Variants in HPSE2 observed in about 807,000 individuals in gnomAD.
The protein encoded by HPSE2 is heparanase 2 (inactive), also known as inactive heparanase-2.
Under a neutral mutation model 60.5 loss-of-function variants are expected in HPSE2, and 38 were observed. The ratio of observed to expected loss-of-function variants is 0.63; its 90% CI spans 0.48 to 0.82. HPSE2 has a LOEUF of 0.82. Ranked by LOEUF, HPSE2 falls within the 40% of genes least tolerant of loss-of-function variation. The probability of loss-of-function intolerance (pLI) is 0.00; values close to 1 mark genes in which losing one functional copy is unlikely to be tolerated. For missense variants in HPSE2, 713 were observed against 740.4 expected, an observed-to-expected ratio of 0.96 and a Z score of 0.43; for synonymous variants, 295 against 293.2, an observed-to-expected ratio of 1.01 and a Z score of -0.06.
At chr10:99,180,547 A>G (rs530184962) in intron 2 of HPSE2, among the ~76,000 whole-genome samples, 5 of 152,316 alleles carry the variant, frequency 3.3e-5, no homozygotes, top group African/African-American at 1.2e-4. Context: ...TCAAAACCAC[A>G]ATGAGATACC....
intron 3 of HPSE2, among the ~76,000 whole-genome samples, chr10:98,987,317 C>T (rs1956389054): frequency 6.6e-6 from 1 of 152,124 alleles, no homozygotes; most frequent in Admixed American, 6.5e-5. Context: ...TGGGCTTCAT[C>T]CCTGGGATGC....
intron 9 of HPSE2, among the ~76,000 whole-genome samples, chr10:98,526,633 C>A (rs1334477738): frequency 6.6e-6 from 1 of 152,160 alleles, no homozygotes; most frequent in Non-Finnish European, 1.5e-5. Context: ...AAATACAGAA[C>A]ATGGTCATCA....
chr10:99,154,804 T>A (rs1238671689), intron 2 of HPSE2, among the ~76,000 whole-genome samples: 9 of 151,916 alleles, frequency 5.9e-5, no homozygotes, highest in African/African-American at 2.2e-4. Flanking sequence ...AGACACAGAC[T>A]GGCAAATTGG....
chr10:98,684,715 A>G (rs984355354), intron 6 of HPSE2, among the ~76,000 whole-genome samples: 5 of 152,220 alleles, frequency 3.3e-5, no homozygotes, highest in Middle Eastern at 3.4e-3. Flanking sequence ...AGTGCCTAAC[A>G]CTGTGAAGGT....
At position 98,954,477 on chromosome 10, in the gene HPSE2, GT is replaced by G. The variant is rs112114180; in HGVS notation, c.610+189760del. 1.8e-3 allele frequency among the ~76,000 whole-genome samples: 268 copies of G among 152,306 alleles called. 1 individual carries two copies. Among genetic ancestry groups the G allele is most frequent in the African/African-American group, 6.3e-3 (263 of 41,576 alleles). On this transcript the variant is annotated intron_variant, in intron 3 of 11. Coordinates refer to ENST00000370552, the MANE Select transcript of HPSE2 (RefSeq NM_021828.5). ...CCTGATTAAATTAACACTTGTGAGA[GT>G]TAACACATTAAGAATATTTAAGTTA...
chr10:99,301,493 C>A, the HPSE2 span, among the ~76,000 whole-genome samples: 1 of 152,192 alleles, frequency 6.6e-6, no homozygotes, highest in African/African-American at 2.4e-5. Flanking sequence ...CTCCTCCTTG[C>A]CTTCCACCAT....
chr10:98,696,403 C>CA (rs1948219112), intron 5 of HPSE2, among the ~76,000 whole-genome samples: 1 of 151,494 alleles, frequency 6.6e-6, no homozygotes, highest in Admixed American at 6.6e-5. Flanking sequence ...GCGTGACCCA[C>CA]AGAGAGGAAG....
chr10:99,135,170 T>C (rs1845597107), intron 3 of HPSE2, among the ~76,000 whole-genome samples: 1 of 150,740 alleles, frequency 6.6e-6, no homozygotes, highest in African/African-American at 2.4e-5. Context: ...GAGTTAACTA[T>C]CCTAAATATA....
chr10:98,473,210 C>T (rs1032414525), intron 11 of HPSE2, among the ~76,000 whole-genome samples: 1 of 152,014 alleles, frequency 6.6e-6, no homozygotes, highest in African/African-American at 2.4e-5. Context: ...GGTGGTCAGG[C>T]GCGGTGGCTC....
chr10:98,637,493 A>G (rs578079508), intron 7 of HPSE2, among the ~76,000 whole-genome samples: 2 of 152,354 alleles, frequency 1.3e-5, no homozygotes, highest in African/African-American at 4.8e-5. Context: ...GCTTTCTCAC[A>G]TGACTTTCCT....
At chr10:98,832,642 G>T (rs1028653944) in intron 3 of HPSE2, among the ~76,000 whole-genome samples, 2 of 152,268 alleles carry the variant, frequency 1.3e-5, no homozygotes, top group South Asian at 2.1e-4. Context: ...CGTGGGAAAG[G>T]ATTTAGATAA....
intron 3 of HPSE2, among the ~76,000 whole-genome samples, chr10:98,955,017 A>C (rs1955469185): frequency 6.7e-6 from 1 of 148,884 alleles, no homozygotes; most frequent in African/African-American, 2.4e-5. Flanking sequence ...TATAACTCTA[A>C]GGCTAGAAAG....
chr10:99,118,941 G>A (rs988151963), intron 3 of HPSE2, among the ~76,000 whole-genome samples: 1 of 151,404 alleles, frequency 6.6e-6, no homozygotes, highest in Non-Finnish European at 1.5e-5. Context: ...ACTGGAACCT[G>A]GGAGGTGGAG....
chr10:98,819,159 T>C (rs1200513576), intron 3 of HPSE2, among the ~76,000 whole-genome samples: 2 of 152,222 alleles, frequency 1.3e-5, no homozygotes, highest in Admixed American at 1.3e-4. Flanking sequence ...CCTTATAGAC[T>C]GAGGGTGCTC....
At chr10:98,845,891 A>T (rs1422726665) in intron 3 of HPSE2, among the ~76,000 whole-genome samples, 1 of 152,180 alleles carries the variant, frequency 6.6e-6, no homozygotes. Flanking sequence ...TCAGTAAAGG[A>T]ATGAGAGCTT....
At chr10:99,043,504 A>G (rs1315848206) in intron 3 of HPSE2, among the ~76,000 whole-genome samples, 1 of 152,124 alleles carries the variant, frequency 6.6e-6, no homozygotes, top group Non-Finnish European at 1.5e-5. Flanking sequence ...AAAACAAACA[A>G]ACAAACAAAC....
chr10:99,252,323 A>G, the HPSE2 span, among the ~76,000 whole-genome samples: 1 of 152,190 alleles, frequency 6.6e-6, no homozygotes, highest in Non-Finnish European at 1.5e-5. Flanking sequence ...ACCCAGAGCA[A>G]TCATCCAAGA....
chr10:98,716,893 G>T (rs974329160), intron 5 of HPSE2, among the ~76,000 whole-genome samples: 2 of 151,952 alleles, frequency 1.3e-5, no homozygotes, highest in Non-Finnish European at 2.9e-5. Flanking sequence ...TGTTATCCAG[G>T]CTGTATTGTT....
chr10:98,984,834 C>T (rs1244446179), intron 3 of HPSE2, among the ~76,000 whole-genome samples: 2 of 152,134 alleles, frequency 1.3e-5, no homozygotes, highest in East Asian at 1.9e-4. Context: ...ACGAGAACTA[C>T]GTGACGAATG....
Sources: allele counts gnomAD v4.1 joint callset (sites outside exome capture counted in the v4.1 genomes callset), GRCh38; gene constraint gnomAD v4.1.1; transcripts MANE v1.5; gene names NCBI Gene and HGNC (gene_info 2026-07-23, HGNC 2026-07-21).